LTBP1: variants seen among roughly 807,000 people sequenced by gnomAD.
LTBP1 encodes latent transforming growth factor beta binding protein 1, also known as latent-transforming growth factor beta-binding protein 1.
A neutral mutation model predicts 207.6 loss-of-function variants in LTBP1; 129 were observed. The ratio of observed to expected loss-of-function variants is 0.62; its 90% CI spans 0.54 to 0.72. The LOEUF is 0.72. Among genes scored for constraint, LTBP1 ranks in the 30% least tolerant of loss-of-function variants. The pLI, the probability that LTBP1 is intolerant of heterozygous loss-of-function variation, is 0.00. For synonymous variants in LTBP1, 963 were observed against 833.7 expected, an observed-to-expected ratio of 1.16 and a Z score of -2.67; for missense variants, 2,281 against 2,217.2, an observed-to-expected ratio of 1.03 and a Z score of -0.58.
intron 3 of LTBP1, among the ~76,000 whole-genome samples, chr2:33,058,740 T>G (rs2077128512): frequency 6.6e-6 from 1 of 152,236 alleles, no homozygotes; most frequent in African/African-American, 2.4e-5. Context: ...GTTTTTTGAT[T>G]ATACGTTTGA....
intron 9 of LTBP1, among the ~76,000 whole-genome samples, chr2:33,223,794 C>A (rs1367510397): frequency 6.6e-6 from 1 of 152,082 alleles, no homozygotes; most frequent in Non-Finnish European, 1.5e-5. Flanking sequence ...ATAAAGTCAA[C>A]CAAGTTTGTG....
Position 33,103,586 on chromosome 2 carries a change from CGTGTGTGT to C in LTBP1, c.864-6962_864-6955del, listed in dbSNP as rs71407500. On this transcript the variant is annotated intron_variant, in intron 3 of 33. Coordinates refer to ENST00000404816, the MANE Select transcript of LTBP1 (RefSeq NM_206943.4). ...GACCATAAATCCTTGTCTCCGTTTA[CGTGTGTGT>C]GTGTGTGTGTGTGTGTGTGTGTGTG... 2.4e-3 allele frequency among the ~76,000 whole-genome samples: 283 copies of C among 118,216 alleles called. 1 individual carries two copies. The highest frequency in any genetic ancestry group is 4.5e-3 in the Middle Eastern group (1 of 224). 77.6% of individuals were successfully genotyped at this position (118,216 alleles called of 152,430 possible). A position where few individuals can be genotyped will look rare whatever the true frequency, so the allele number is the denominator to read the frequency against.
intron 27 of LTBP1, 53 bp downstream of exon 27, chr2:33,360,832 C>T (rs2094919765): frequency 9.8e-6 from 15 of 1,535,528 alleles, no homozygotes; most frequent in Non-Finnish European, 1.3e-5. Context: ...ACATGGTGTC[C>T]CTGGGCCTTG....
Position 33,365,324 on chromosome 2 carries a change from C to T in LTBP1, c.4541-9C>T, listed in dbSNP as rs1275148837. 1 of 1,613,584 alleles carries T rather than the reference C, an allele frequency of 6.2e-7. No homozygotes were observed. The highest frequency in any genetic ancestry group is 8.5e-7 in the Non-Finnish European group (1 of 1,179,680). On this transcript the variant is annotated splice_polypyrimidine_tract_variant and intron_variant, in intron 30 of 33. Coordinates refer to ENST00000404816, the MANE Select transcript of LTBP1 (RefSeq NM_206943.4). ...TGCGATTTTCATGGAACTATGTCTT[C>T]CCTTTCAGAACAAATAGAAGAAACT...
chr2:33,245,278 T>C (rs1398910223), intron 10 of LTBP1, among the ~76,000 whole-genome samples: 1 of 152,206 alleles, frequency 6.6e-6, no homozygotes. Context: ...TCTTCATGAG[T>C]TTACTGCCAT....
intron 19 of LTBP1, among the ~76,000 whole-genome samples, chr2:33,284,522 G>GATCCCCACCTTTAATGACT (rs1308594882): frequency 6.6e-6 from 1 of 152,088 alleles, no homozygotes; most frequent in Non-Finnish European, 1.5e-5. Flanking sequence ...CTGCCCACTC[G>GATCCCCACCTTTAATGACT]ATCCCCACCT....
At chr2:33,044,638 T>C (rs2076355992) in intron 3 of LTBP1, among the ~76,000 whole-genome samples, 1 of 152,226 alleles carries the variant, frequency 6.6e-6, no homozygotes, top group African/African-American at 2.4e-5. Context: ...AGTAATGGGA[T>C]TGCTGGGTCA....
intron 3 of LTBP1, among the ~76,000 whole-genome samples, chr2:33,041,296 CT>C (rs1229708734): frequency 1.3e-5 from 2 of 148,800 alleles, no homozygotes; most frequent in African/African-American, 4.9e-5. Flanking sequence ...CTTTTTTTTT[CT>C]TTTTTGAGAC....
chr2:33,308,021 C>G (rs1290672798), intron 22 of LTBP1, among the ~76,000 whole-genome samples: 2 of 152,186 alleles, frequency 1.3e-5, no homozygotes, highest in African/African-American at 4.8e-5. Flanking sequence ...CCTGGAATCT[C>G]TCATATTTTG....
chr2:33,038,868 G>A (rs1028236315), intron 3 of LTBP1, among the ~76,000 whole-genome samples: 2 of 152,154 alleles, frequency 1.3e-5, no homozygotes, highest in Non-Finnish European at 2.9e-5. Context: ...TCTAACCAGT[G>A]GCCAGTGAGC....
chr2:33,248,705 G>T (rs540800462), intron 10 of LTBP1, among the ~76,000 whole-genome samples: 32 of 151,658 alleles, frequency 2.1e-4, no homozygotes, highest in African/African-American at 7.5e-4. Flanking sequence ...TTCTGCCTCA[G>T]CCTCCTGAGT....
intron 5 of LTBP1, among the ~76,000 whole-genome samples, chr2:33,164,234 A>G (rs2084720165): frequency 6.6e-6 from 1 of 151,624 alleles, no homozygotes; most frequent in African/African-American, 2.4e-5. Flanking sequence ...CTGTAATCCC[A>G]GCTGCTTGGG....
intron 26 of LTBP1, among the ~76,000 whole-genome samples, chr2:33,348,653 GTGTTATTTTGAATGAA>G (rs1463512977): frequency 1.3e-5 from 2 of 152,152 alleles, no homozygotes; most frequent in Non-Finnish European, 2.9e-5. Flanking sequence ...CTCACCTATA[GTGTTATTTTGAATGAA>G]TTAATTCATA....
intron 3 of LTBP1, among the ~76,000 whole-genome samples, chr2:33,100,214 G>C (rs2079639321): frequency 6.6e-6 from 1 of 152,176 alleles, no homozygotes; most frequent in Admixed American, 6.5e-5. Flanking sequence ...CTCATGCTGT[G>C]GTTCATGGGA....
chr2:33,024,942 A>G (rs774442271), intron 3 of LTBP1, among the ~76,000 whole-genome samples: 7 of 152,186 alleles, frequency 4.6e-5, no homozygotes, highest in Non-Finnish European at 8.8e-5. Flanking sequence ...TGGGGAATCC[A>G]CTGCCAAGAT....
At chr2:33,083,611 G>A (rs1397259031) in intron 3 of LTBP1, among the ~76,000 whole-genome samples, 2 of 152,126 alleles carry the variant, frequency 1.3e-5, no homozygotes, top group Non-Finnish European at 2.9e-5. Flanking sequence ...GCTGCAGTAG[G>A]TCCTTAACTT....
chr2:33,067,860 A>G (rs924229752), intron 3 of LTBP1, among the ~76,000 whole-genome samples: 1 of 152,172 alleles, frequency 6.6e-6, no homozygotes, highest in African/African-American at 2.4e-5. Flanking sequence ...AGTAGAAAGG[A>G]AATTTCTATA....
intron 3 of LTBP1, among the ~76,000 whole-genome samples, chr2:33,089,853 G>A (rs218178): frequency 0.46 from 69,915 of 152,086 alleles, 18,165 homozygotes; most frequent in East Asian, 0.64. Context: ...TTCAAACAGT[G>A]CAGTAAACGT....
Position 33,008,630 on chromosome 2 carries a change from T to C in LTBP1, c.566-12279T>C, listed in dbSNP as rs371869731. The stretch of plus-strand genomic sequence containing the variant: ...CCACGATTACTAACTGATTATCTTC[T>C]AGGCGCAGGGCAAAAGCAGCAACTA... On this transcript the variant is annotated intron_variant, in intron 2 of 33. Coordinates refer to ENST00000404816, the MANE Select transcript of LTBP1 (RefSeq NM_206943.4). Among the ~76,000 whole-genome samples, 25 of 152,390 alleles carry C rather than the reference T, an allele frequency of 1.6e-4. 1 individual carries two copies. In the South Asian group the frequency reaches 5.0e-3, roughly 30 times the overall value.
Sources: allele counts gnomAD v4.1 joint callset (sites outside exome capture counted in the v4.1 genomes callset), GRCh38; gene constraint gnomAD v4.1.1; transcripts MANE v1.5; gene names NCBI Gene and HGNC (gene_info 2026-07-23, HGNC 2026-07-21).